The following CEP162 variants were observed in gnomAD, a reference collection of about 807,000 sequenced individuals.
CEP162 encodes centrosomal protein 162.
In CEP162, 141 loss-of-function variants were observed where a neutral mutation model predicts 169.2. That is an observed-to-expected ratio of 0.83 (90% CI 0.73 to 0.96). The LOEUF is 0.96. CEP162 is among the 40% of genes least tolerant of loss of function. The probability of loss-of-function intolerance (pLI) is 0.00; values close to 1 mark genes in which losing one functional copy is unlikely to be tolerated. For missense variants in CEP162, 1,600 were observed against 1,587.2 expected (o/e 1.01, Z -0.14); for synonymous variants, 540 against 526.4 (o/e 1.03, Z -0.35).
At chr6:84,183,763 T>A (rs2099535907) in intron 13 of CEP162, among the ~76,000 whole-genome samples, 1 of 152,178 alleles carries the variant, frequency 6.6e-6, no homozygotes. Context: ...GGTTAAACAG[T>A]TGGTTAAACA....
intron 18 of CEP162, among the ~76,000 whole-genome samples, chr6:84,164,627 A>G (rs954166366): frequency 3.3e-5 from 5 of 152,134 alleles, no homozygotes; most frequent in East Asian, 3.9e-4. Flanking sequence ...GTTCTCACTC[A>G]TAAGTGGGAG....
At position 84,206,658 on chromosome 6, in the gene CEP162, G is replaced by A. The variant is rs139794031; in HGVS notation, c.572-2562C>T. Among the ~76,000 whole-genome samples, 161 of 152,252 alleles carry A rather than the reference G, an allele frequency of 1.1e-3. 1 individual carries two copies. The East Asian group carries it at 0.027, about 25-fold the overall frequency. ...GCAATACCATTCAGGACATAGGCAT[G>A]GGCAAGGACTTCATGTCTAAAACAC... On this transcript the variant is annotated intron_variant, in intron 6 of 26. Coordinates refer to ENST00000403245, the MANE Select transcript of CEP162 (RefSeq NM_014895.4).
chr6:84,138,439 G>A (rs73750520), intron 25 of CEP162, among the ~76,000 whole-genome samples: 6,658 of 152,176 alleles, frequency 0.044, 463 homozygotes, highest in African/African-American at 0.15. Context: ...CACCCTGAGA[G>A]GAAATGCCTC....
intron 2 of CEP162, among the ~76,000 whole-genome samples, chr6:84,225,898 T>C (rs1000364888): frequency 4.6e-5 from 7 of 152,048 alleles, no homozygotes; most frequent in African/African-American, 1.7e-4. Context: ...GCAAAGCTCC[T>C]AAGGTGAAAT....
chr6:84,219,384 TA>T (rs1357056268), intron 3 of CEP162, among the ~76,000 whole-genome samples: 1 of 152,188 alleles, frequency 6.6e-6, no homozygotes, highest in African/African-American at 2.4e-5. Flanking sequence ...CTGATACATT[TA>T]AAAAAATTAT....
At position 84,202,527 on chromosome 6, in the gene CEP162, T is replaced by TC. The variant is rs200904352; in HGVS notation, c.688-761_688-760insG. Among the ~76,000 whole-genome samples the TC allele has an allele frequency of 2.4e-3, 293 of 122,126 alleles. 3 individuals are homozygous for TC. Among genetic ancestry groups the TC allele is most frequent in the South Asian group, 7.4e-3 (24 of 3,252 alleles). The allele number at this position is 122,126 out of a possible 152,430, so 80.1% of individuals were successfully genotyped here. On this transcript the variant is annotated intron_variant, in intron 7 of 26. Transcript: ENST00000403245. The stretch of plus-strand genomic sequence containing the variant: ...TTTCTTTTCTTTCTTTCTTTTTTTT[T>TC]TTTTTTTTTTTTTTTTTTGAGACAG...
At chr6:84,130,807 C>T (rs2099511038) in intron 25 of CEP162, among the ~76,000 whole-genome samples, 1 of 152,108 alleles carries the variant, frequency 6.6e-6, no homozygotes, top group African/African-American at 2.4e-5. Context: ...AAAACCAGCT[C>T]CTGAATTCAC....
intron 19 of CEP162, 50 bp from the exon 20 acceptor site, chr6:84,161,959 GA>G: frequency 8.8e-7 from 1 of 1,134,010 alleles, no homozygotes; most frequent in Non-Finnish European, 1.3e-6. Context: ...CCAAAATATG[GA>G]AATAAACTAA....
At chr6:84,218,334 T>A (rs2127753206) in intron 3 of CEP162, among the ~76,000 whole-genome samples, 1 of 152,198 alleles carries the variant, frequency 6.6e-6, no homozygotes, top group South Asian at 2.1e-4. Context: ...TAAGAGGAAA[T>A]AAGCCCAGAG....
chr6:84,220,383 T>C (rs1412781832), intron 3 of CEP162, among the ~76,000 whole-genome samples: 1 of 152,116 alleles, frequency 6.6e-6, no homozygotes, highest in East Asian at 1.9e-4. Flanking sequence ...CTCTGCGTTT[T>C]GGGAGGCCAA....
At chr6:84,192,652 G>A (rs2099540401) in intron 11 of CEP162, among the ~76,000 whole-genome samples, 1 of 152,190 alleles carries the variant, frequency 6.6e-6, no homozygotes, top group Admixed American at 6.5e-5. Context: ...CATGTCTGTT[G>A]AAGACACAAA....
chr6:84,129,636 C>T (rs1032039634), intron 25 of CEP162, among the ~76,000 whole-genome samples: 77 of 152,156 alleles, frequency 5.1e-4, no homozygotes, highest in African/African-American at 1.8e-3. Flanking sequence ...TGTAGGGTGC[C>T]TGTTCACTCC....
intron 23 of CEP162, among the ~76,000 whole-genome samples, chr6:84,150,382 A>G (rs938202128): frequency 1.3e-5 from 2 of 152,148 alleles, no homozygotes; most frequent in South Asian, 2.1e-4. Flanking sequence ...AAATAACAGC[A>G]TTTAACTTAA....
chr6:84,209,070 A>G (rs929252998), intron 6 of CEP162, among the ~76,000 whole-genome samples: 2 of 152,202 alleles, frequency 1.3e-5, no homozygotes, highest in Non-Finnish European at 1.5e-5. Flanking sequence ...CTGCATAAAG[A>G]AAGTGTTAGA....
chr6:84,195,146 C>CTTCTTTTGA, intron 9 of CEP162, 71 bp from the exon 10 acceptor site: 2 of 1,211,780 alleles, frequency 1.7e-6, no homozygotes, highest in Non-Finnish European at 2.3e-6. Context: ...ACACTAATAT[C>CTTCTTTTGA]ATTCCTTAAC....
chr6:84,215,485 A>G lies in CEP162; in HGVS notation c.320-20T>C. On this transcript the variant is annotated intron_variant, in intron 4 of 26. Transcript: ENST00000403245. ...CTAGTTCTAAATGGAAAGCACAAAT[A>G]TATTTTAGTAATATACAGAATTTTG... 6.6e-7 allele frequency: 1 copy of G among 1,511,234 alleles called. No individual in the cohort carries two copies. Among genetic ancestry groups the G allele is most frequent in the Non-Finnish European group, 8.9e-7 (1 of 1,125,586 alleles). The allele number at this position is 1,511,234 out of a possible 1,614,324, so 93.6% of individuals were successfully genotyped here.
chr6:84,171,471 T>A, intron 17 of CEP162, 135 bp downstream of exon 17: 1 of 432,042 alleles, frequency 2.3e-6, no homozygotes. Flanking sequence ...GTATTAAACA[T>A]AAAATTGGAA....
At chr6:84,194,307 A>C (rs2099541131) in intron 10 of CEP162, among the ~76,000 whole-genome samples, 1 of 150,458 alleles carries the variant, frequency 6.6e-6, no homozygotes, top group Non-Finnish European at 1.5e-5. Flanking sequence ...GTGAGCCGAG[A>C]TCGTGCCATT....
chr6:84,171,512 T>A, intron 17 of CEP162, 94 bp downstream of exon 17: 1 of 474,398 alleles, frequency 2.1e-6, no homozygotes, highest in South Asian at 6.9e-5. Flanking sequence ...AATTTTACTA[T>A]GTCTAAGTAA....
Sources: gnomAD v4.1 joint callset for allele counts (sites outside exome capture counted in the v4.1 genomes callset) on GRCh38, gnomAD v4.1.1 for gene constraint, MANE v1.5 for transcripts, NCBI Gene and HGNC (gene_info 2026-07-23, HGNC 2026-07-21) for gene names.